The following ESRRG variants were observed in gnomAD, a reference collection of about 807,000 sequenced individuals.
The protein encoded by ESRRG is estrogen related receptor gamma, also known as estrogen-related receptor gamma.
In ESRRG, 13 loss-of-function variants were observed where a neutral mutation model predicts 44.0. That is an observed-to-expected ratio of 0.30 (90% confidence interval 0.19 to 0.47). The LOEUF (loss-of-function observed/expected upper bound fraction) is 0.47, where lower values mean the gene tolerates loss of function less well. Among genes scored for constraint, ESRRG ranks in the 20% least tolerant of loss-of-function variants. ESRRG has a pLI of 1.00. For synonymous variants in ESRRG, 215 were observed against 214.6 expected, an observed-to-expected ratio of 1.00 and a Z score of -0.02; for missense variants, 395 against 580.6, an observed-to-expected ratio of 0.68 and a Z score of 3.29.
At chr1:216,908,761 T>C (rs1198183295) in intron 2 of ESRRG, among the ~76,000 whole-genome samples, 1 of 151,916 alleles carries the variant, frequency 6.6e-6, no homozygotes, top group African/African-American at 2.4e-5. Context: ...CTGGAAGGAC[T>C]TGGAATTTAC....
At chr1:216,948,616 C>T (rs940201484) in intron 1 of ESRRG, among the ~76,000 whole-genome samples, 1 of 151,950 alleles carries the variant, frequency 6.6e-6, no homozygotes, top group Non-Finnish European at 1.5e-5. Flanking sequence ...CCCTCTCCCC[C>T]CATAAACTGG....
chr1:216,803,217 C>T (rs148254931), intron 2 of ESRRG, among the ~76,000 whole-genome samples: 1,579 of 152,242 alleles, frequency 0.01, 11 homozygotes, highest in Non-Finnish European at 0.014. Flanking sequence ...AATACAGACA[C>T]AGTTCTAAGG....
chr1:216,858,295 G>A (rs957111363), intron 2 of ESRRG, among the ~76,000 whole-genome samples: 1 of 151,718 alleles, frequency 6.6e-6, no homozygotes, highest in African/African-American at 2.4e-5. Context: ...AAATTAGCCA[G>A]GCGTGGTGGC....
chr1:216,706,803 T>TA (rs774150759), intron 1 of ESRRG, among the ~76,000 whole-genome samples: 2 of 152,158 alleles, frequency 1.3e-5, no homozygotes, highest in Non-Finnish European at 2.9e-5. Context: ...ATCATCTAAT[T>TA]AAAAACATCT....
chr1:216,768,464 A>T (rs145439508), intron 2 of ESRRG, among the ~76,000 whole-genome samples: 1 of 139,864 alleles, frequency 7.1e-6, no homozygotes, highest in Non-Finnish European at 1.6e-5. Flanking sequence ...CTATCTATCT[A>T]TCTATCTATC....
intron 2 of ESRRG, among the ~76,000 whole-genome samples, chr1:216,840,180 G>C (rs935043872): frequency 2.0e-5 from 3 of 152,156 alleles, no homozygotes; most frequent in African/African-American, 7.2e-5. Flanking sequence ...CTTCATCAAC[G>C]ATCCTAGCTA....
intron 1 of ESRRG, among the ~76,000 whole-genome samples, chr1:217,085,183 G>T (rs559751091): frequency 5.9e-5 from 9 of 152,086 alleles, no homozygotes; most frequent in African/African-American, 2.2e-4. Flanking sequence ...ATAAAGAGTT[G>T]CAATAATTTC....
At chr1:216,971,809 A>G (rs1436657906) in intron 1 of ESRRG, among the ~76,000 whole-genome samples, 1 of 152,190 alleles carries the variant, frequency 6.6e-6, no homozygotes, top group Non-Finnish European at 1.5e-5. Flanking sequence ...TCAAACACTA[A>G]ACTGTATTTG....
intron 5 of ESRRG, among the ~76,000 whole-genome samples, chr1:216,531,705 T>G (rs774872344): frequency 6.6e-6 from 1 of 152,150 alleles, no homozygotes; most frequent in African/African-American, 2.4e-5. Flanking sequence ...ACCAAACCTG[T>G]GCCTCTTATA....
At position 216,769,377 on chromosome 1, in the gene ESRRG, T is replaced by G. The variant is rs952740829; in HGVS notation, c.-13-91886A>C. 2.6e-5 allele frequency among the ~76,000 whole-genome samples: 4 copies of G among 152,102 alleles called. No homozygotes were observed. In the East Asian group the frequency reaches 7.7e-4, roughly 29 times the overall value. ...GTAGGTGGGATGACATAAGTAACCA[T>G]GAAGAGAACTGAAAGAGTAAACAAA... On this transcript the variant is annotated intron_variant, in intron 2 of 7. Transcript: ENST00000359162.
At chr1:216,989,999 C>T (rs749014054) in intron 1 of ESRRG, among the ~76,000 whole-genome samples, 19 of 152,032 alleles carry the variant, frequency 1.2e-4, no homozygotes, top group African/African-American at 2.2e-4. Context: ...GAGATGTGGA[C>T]GGTTAACAAG....
chr1:217,013,571 G>A (rs1362184959), intron 1 of ESRRG, among the ~76,000 whole-genome samples: 1 of 152,104 alleles, frequency 6.6e-6, no homozygotes, highest in Non-Finnish European at 1.5e-5. Context: ...AGATAATTTA[G>A]GGCTCACAGA....
At chr1:217,116,646 C>T (rs2092732443) in intron 1 of ESRRG, among the ~76,000 whole-genome samples, 1 of 152,146 alleles carries the variant, frequency 6.6e-6, no homozygotes, top group Non-Finnish European at 1.5e-5. Context: ...AAGAGTCAGT[C>T]ATCCTGTTAC....
At chr1:216,986,619 C>A (rs909167642) in intron 1 of ESRRG, among the ~76,000 whole-genome samples, 1 of 151,306 alleles carries the variant, frequency 6.6e-6, no homozygotes, top group Non-Finnish European at 1.5e-5. Context: ...CCCAGCTACT[C>A]GGGAGGCTGA....
chr1:216,768,265 C>T (rs551328836), intron 2 of ESRRG, among the ~76,000 whole-genome samples: 15 of 152,072 alleles, frequency 9.9e-5, no homozygotes, highest in Non-Finnish European at 1.6e-4. Context: ...ACTCATACAC[C>T]ATTGAGAAAG....
intron 1 of ESRRG, among the ~76,000 whole-genome samples, chr1:216,688,482 A>G (rs1016386674): frequency 1.3e-5 from 2 of 152,140 alleles, no homozygotes; most frequent in Non-Finnish European, 2.9e-5. Flanking sequence ...TTCTTCCCCA[A>G]CCTTTATGAA....
intron 2 of ESRRG, among the ~76,000 whole-genome samples, chr1:216,923,874 CAGT>C (rs558318716): frequency 1.8e-4 from 28 of 152,186 alleles, no homozygotes; most frequent in Non-Finnish European, 3.2e-4. Context: ...ATGCTCACGG[CAGT>C]GACTCAGCCA....
At chr1:216,634,537 C>A (rs1478933377) in intron 3 of ESRRG, among the ~76,000 whole-genome samples, 1 of 152,196 alleles carries the variant, frequency 6.6e-6, no homozygotes, top group East Asian at 1.9e-4. Flanking sequence ...AATTTGAAGT[C>A]TTCACAAACT....
At chr1:216,830,133 C>T (rs1023833523) in intron 2 of ESRRG, among the ~76,000 whole-genome samples, 2 of 152,110 alleles carry the variant, frequency 1.3e-5, no homozygotes, top group East Asian at 3.9e-4. Flanking sequence ...GCCATTAGGG[C>T]CAGGCTCACT....
Sources: allele counts gnomAD v4.1 joint callset (sites outside exome capture counted in the v4.1 genomes callset), GRCh38; gene constraint gnomAD v4.1.1; transcripts MANE v1.5; gene names NCBI Gene and HGNC (gene_info 2026-07-23, HGNC 2026-07-21).